Variants in PTPN3 observed in about 807,000 individuals in gnomAD.
The protein encoded by PTPN3 is tyrosine-protein phosphatase non-receptor type 3.
In PTPN3, 96 loss-of-function variants were observed where a neutral mutation model predicts 132.7. The observed-to-expected ratio is 0.72, with a 90% CI of 0.61 to 0.86. The LOEUF is 0.86. Ranked by LOEUF, PTPN3 falls within the 40% of genes least tolerant of loss-of-function variation. The probability of loss-of-function intolerance (pLI) is 0.00; values close to 1 mark genes in which losing one functional copy is unlikely to be tolerated. For synonymous variants in PTPN3, 398 were observed against 429.0 expected, an observed-to-expected ratio of 0.93 and a Z score of 0.89; for missense variants, 1,125 against 1,159.6, an observed-to-expected ratio of 0.97 and a Z score of 0.43.
intron 1 of PTPN3, among the ~76,000 whole-genome samples, chr9:109,495,675 C>T (rs75577555): frequency 0.044 from 6,771 of 152,294 alleles, 294 homozygotes; most frequent in East Asian, 0.23. Flanking sequence ...ATTACCACCT[C>T]GGAACCCCAG....
At chr9:109,433,948 T>G (rs1843849184) in intron 9 of PTPN3, among the ~76,000 whole-genome samples, 5 of 148,662 alleles carry the variant, frequency 3.4e-5, no homozygotes, top group African/African-American at 9.8e-5. Context: ...AAAAAAGCGT[T>G]GCTTCTAAAT....
chr9:109,412,377 A>T lies in PTPN3; in HGVS notation c.1314-1962T>A, dbSNP rs1008048661. On this transcript the variant is annotated intron_variant, in intron 14 of 25. Coordinates refer to ENST00000374541, the MANE Select transcript of PTPN3 (RefSeq NM_002829.4). Reference sequence around the variant, plus strand: ...CATTCGCCATGTCCAACTAATTTTAATTTTTTTTTTTTTTTGAGTCAAAGT... The same window carrying T: ...CATTCGCCATGTCCAACTAATTTTATTTTTTTTTTTTTTTTGAGTCAAAGT... Among the ~76,000 whole-genome samples, 88 of 142,718 alleles carry T rather than the reference A, an allele frequency of 6.2e-4. 1 individual carries two copies. The highest frequency in any genetic ancestry group is 1.1e-3 in the Non-Finnish European group (70 of 64,834). The allele number at this position is 142,718 out of a possible 152,430, so 93.6% of individuals were successfully genotyped here.
upstream of PTPN3, among the ~76,000 whole-genome samples, chr9:109,498,828 A>C (rs1314289049): frequency 6.6e-6 from 1 of 152,080 alleles, no homozygotes; most frequent in Non-Finnish European, 1.5e-5. This position sits in a 1 kb window ranked among gnomAD's most constrained non-coding sequence, Gnocchi z 4.2. Context: ...TCTGTCCATC[A>C]AACACTCGAA....
chr9:109,405,386 G>A (rs973871054), intron 18 of PTPN3, among the ~76,000 whole-genome samples: 17 of 152,176 alleles, frequency 1.1e-4, no homozygotes, highest in African/African-American at 4.1e-4. Flanking sequence ...CCAAACGTGT[G>A]AGGCAGGCAG....
In PTPN3 at chr9:109,491,308, C is replaced by T. The variant is rs1847451862; in HGVS notation, c.-18+6911G>A. 2.6e-5 allele frequency among the ~76,000 whole-genome samples: 4 copies of T among 151,758 alleles called. No individual in the cohort carries two copies. In the South Asian group the frequency reaches 8.3e-4, roughly 32 times the overall value. On this transcript the variant is annotated intron_variant, in intron 1 of 25. Transcript: ENST00000374541. ...TTGTATTGTAGTTACGGAATATCAT[C>T]GCTTTTAGGAAATATATGTAGGGGG...
upstream of PTPN3, among the ~76,000 whole-genome samples, chr9:109,501,232 A>G (rs529523075): frequency 3.3e-5 from 5 of 152,342 alleles, no homozygotes; most frequent in African/African-American, 9.6e-5. Flanking sequence ...ATCACTCTAC[A>G]GAGTGGGTGT....
At chr9:109,437,755 GA>G (rs35492256) in intron 8 of PTPN3, among the ~76,000 whole-genome samples, 41,088 of 152,032 alleles carry the variant, frequency 0.27, 5,906 homozygotes, top group South Asian at 0.39. Context: ...AGACCTGAAG[GA>G]ACAGCTTGTT....
intron 14 of PTPN3, chr9:109,417,795 A>C (rs1438419879): frequency 5.1e-6 from 5 of 984,992 alleles, no homozygotes; most frequent in Non-Finnish European, 6.0e-6. Context: ...GTAAAACCCC[A>C]CAAGGAAGCC....
In PTPN3 at chr9:109,408,332, G is replaced by T; in HGVS notation, c.1624C>A (p.Pro542Thr). The T allele has an allele frequency of 6.3e-7, 1 of 1,577,032 alleles. No individual in the cohort carries two copies. Among genetic ancestry groups the T allele is most frequent in the South Asian group, 1.2e-5 (1 of 85,466 alleles). The change falls in exon 17 of 26, where the codon CCA becomes ACA. Residue 542 changes from proline (P) to threonine (T), a missense_variant. Coordinates refer to ENST00000374541, the MANE Select transcript of PTPN3 (RefSeq NM_002829.4). ...ATGTATTTACTTACAGGTGACTCTG[G>T]GTTTATCCTTGATACCACAAGAGGC... Reference protein sequence around the residue: ...KMPLVVSRINPESPADTCIPK... With the variant: ...KMPLVVSRINTESPADTCIPK...
intron 12 of PTPN3, among the ~76,000 whole-genome samples, chr9:109,425,462 A>C (rs1431124544): frequency 6.7e-6 from 1 of 150,102 alleles, no homozygotes; most frequent in East Asian, 2.0e-4. Context: ...TGTAACCCCA[A>C]CACTTTGGGA....
At chr9:109,396,408 AAAC>A (rs1840606672) in intron 19 of PTPN3, among the ~76,000 whole-genome samples, 1 of 152,186 alleles carries the variant, frequency 6.6e-6, no homozygotes, top group African/African-American at 2.4e-5. Context: ...TTCATCGGAA[AAAC>A]AACAATTTGC....
intron 4 of PTPN3, among the ~76,000 whole-genome samples, chr9:109,456,816 T>C (rs1469918143): frequency 6.8e-6 from 1 of 146,988 alleles, no homozygotes; most frequent in South Asian, 2.1e-4. Flanking sequence ...GTATGAGGTG[T>C]TTGTGTTTGT....
chr9:109,419,876 G>T (rs1284737298), intron 14 of PTPN3, among the ~76,000 whole-genome samples: 1 of 152,148 alleles, frequency 6.6e-6, no homozygotes, highest in African/African-American at 2.4e-5. Flanking sequence ...CGGGGTGGGG[G>T]AGGTAGGACA....
chr9:109,499,497 T>TG (rs1351187592), upstream of PTPN3, among the ~76,000 whole-genome samples: 5 of 152,204 alleles, frequency 3.3e-5, no homozygotes, highest in African/African-American at 1.2e-4. Flanking sequence ...ATTCTCATGT[T>TG]GTATTTCCCT....
chr9:109,389,564 C>T (rs566677534), intron 21 of PTPN3, among the ~76,000 whole-genome samples, 185 bp from the exon 22 acceptor site: 1 of 152,250 alleles, frequency 6.6e-6, no homozygotes, highest in Admixed American at 6.5e-5. Flanking sequence ...ATCTGACAAC[C>T]ACCAGTATTA....
intron 10 of PTPN3, among the ~76,000 whole-genome samples, chr9:109,432,352 G>A (rs535870706): frequency 1.3e-5 from 2 of 151,986 alleles, no homozygotes; most frequent in Non-Finnish European, 2.9e-5. Context: ...CCAAAACTCC[G>A]TGTTTTTTCC....
chr9:109,418,111 T>C (rs1842651303), intron 14 of PTPN3, among the ~76,000 whole-genome samples: 1 of 152,150 alleles, frequency 6.6e-6, no homozygotes, highest in Non-Finnish European at 1.5e-5. Context: ...GAAAATCTGA[T>C]GTAGGGCACG....
At chr9:109,495,297 C>T (rs997278107) in intron 1 of PTPN3, among the ~76,000 whole-genome samples, 7 of 152,184 alleles carry the variant, frequency 4.6e-5, no homozygotes, top group African/African-American at 1.7e-4. Flanking sequence ...GACCGCAATG[C>T]TGGAAGGTGA....
At chr9:109,460,403 G>A (rs1184929143) in intron 2 of PTPN3, among the ~76,000 whole-genome samples, 2 of 152,076 alleles carry the variant, frequency 1.3e-5, no homozygotes, top group African/African-American at 4.8e-5. Context: ...GTCAACTGTG[G>A]ACAGAGCCCC....
Sources: gnomAD v4.1 joint callset for allele counts (sites outside exome capture counted in the v4.1 genomes callset) on GRCh38, gnomAD v4.1.1 for gene constraint, Gnocchi (gnomAD v3.1) non-coding constraint, MANE v1.5 for transcripts, NCBI Gene and HGNC (gene_info 2026-07-23, HGNC 2026-07-21) for gene names.